SEC22A: variants seen among roughly 807,000 people sequenced by gnomAD.
SEC22A encodes vesicle-trafficking protein SEC22a.
In SEC22A, 22 loss-of-function variants were observed where a neutral mutation model predicts 35.3. The ratio of observed to expected loss-of-function variants is 0.62; its 90% CI spans 0.45 to 0.89. The LOEUF is 0.89. SEC22A is among the 40% of genes least tolerant of loss of function. The probability of loss-of-function intolerance (pLI) is 0.00; values close to 1 mark genes in which losing one functional copy is unlikely to be tolerated. For missense variants in SEC22A, 354 were observed against 362.5 expected (o/e 0.98, Z 0.19); for synonymous variants, 119 against 129.5 (o/e 0.92, Z 0.55).
chr3:123,206,365 C>T (rs778968770), intron 1 of SEC22A, among the ~76,000 whole-genome samples: 31 of 152,118 alleles, frequency 2.0e-4, no homozygotes, highest in Non-Finnish European at 3.8e-4. Flanking sequence ...CCATGGCACC[C>T]CATCCAATCT....
intron 2 of SEC22A, among the ~76,000 whole-genome samples, chr3:123,222,766 G>A (rs930347174): frequency 6.6e-6 from 1 of 152,128 alleles, no homozygotes. Flanking sequence ...AGTTTCTACT[G>A]TATAATATTT....
Position 123,213,874 on chromosome 3 carries a change from G to A in SEC22A, c.182+4475G>A, listed in dbSNP as rs534157037. ...GAGTTTGAAGGAAAAAAAAATCAGG[G>A]GAGTAACATTTAAAATTGAGATAAT... On this transcript the variant is annotated intron_variant, in intron 2 of 6. Transcript: ENST00000492595. Among the ~76,000 whole-genome samples the A allele has an allele frequency of 1.4e-3, 212 of 152,178 alleles. 1 individual carries two copies. Among genetic ancestry groups the A allele is most frequent in the Non-Finnish European group, 2.4e-3 (164 of 67,986 alleles).
chr3:123,212,685 C>T (rs145438050), intron 2 of SEC22A, among the ~76,000 whole-genome samples: 4 of 151,628 alleles, frequency 2.6e-5, no homozygotes, highest in African/African-American at 9.7e-5. Flanking sequence ...AGTTGTACTC[C>T]AGCTTATTCC....
intron 1 of SEC22A, among the ~76,000 whole-genome samples, chr3:123,205,411 G>A (rs1056895361): frequency 6.6e-6 from 1 of 152,168 alleles, no homozygotes; most frequent in Non-Finnish European, 1.5e-5. Flanking sequence ...ATTTGAGGCT[G>A]GGCGCAGTGG....
intron 6 of SEC22A, among the ~76,000 whole-genome samples, chr3:123,260,987 C>A (rs1937883810): frequency 6.6e-6 from 1 of 152,028 alleles, no homozygotes. Context: ...AGGCTCCTGC[C>A]ACCATGCCTA....
At chr3:123,202,069 T>C (rs1294323981) in intron 1 of SEC22A, 83 bp downstream of exon 1, 2 of 153,372 alleles carry the variant, frequency 1.3e-5, no homozygotes, top group African/African-American at 2.4e-5. Context: ...TCCCGCTCCC[T>C]GCCTCTCGCC....
chr3:123,252,309 A>G (rs1221179551), intron 5 of SEC22A, among the ~76,000 whole-genome samples: 1 of 152,172 alleles, frequency 6.6e-6, no homozygotes, highest in Non-Finnish European at 1.5e-5. Context: ...TAGTAAAGGT[A>G]GAACTTTCTG....
chr3:123,236,370 A>G (rs1398353940), intron 4 of SEC22A, among the ~76,000 whole-genome samples: 1 of 152,196 alleles, frequency 6.6e-6, no homozygotes, highest in East Asian at 1.9e-4. Context: ...GATCTAATAT[A>G]GAATTTAATC....
chr3:123,241,996 A>G (rs1245966511), intron 4 of SEC22A, among the ~76,000 whole-genome samples: 1 of 152,000 alleles, frequency 6.6e-6, no homozygotes, highest in South Asian at 2.1e-4. Flanking sequence ...CTCCTGTTCA[A>G]TAAGTCTAAT....
Position 123,259,533 on chromosome 3 carries a change from G to A in SEC22A, c.667G>A (p.Asp223Asn). 6.2e-6 allele frequency: 10 copies of A among 1,612,388 alleles called. No individual in the cohort carries two copies. Among genetic ancestry groups the A allele is most frequent in the Non-Finnish European group, 8.5e-6 (10 of 1,178,842 alleles). The change falls in exon 6 of 7, where the codon GAT (aspartate) becomes AAT (asparagine). Residue 223 changes from aspartate to asparagine, a missense_variant. Transcript: ENST00000492595. ...AIESLLQSDG[D>N]DFNYIIAFFL... ...TATTTTGCTTTTGCAGAGTGATGGT[G>A]ATGATTTTAATTACATCATTGCATT... is the stretch of plus-strand genomic sequence containing the variant.
At chr3:123,226,024 G>A (rs1362378562) in intron 4 of SEC22A, among the ~76,000 whole-genome samples, 1 of 152,078 alleles carries the variant, frequency 6.6e-6, no homozygotes, top group African/African-American at 2.4e-5. Context: ...CAAATGATAG[G>A]ATCTCATTCT....
intron 6 of SEC22A, among the ~76,000 whole-genome samples, chr3:123,263,776 T>C (rs1937955352): frequency 6.6e-6 from 1 of 152,134 alleles, no homozygotes; most frequent in Non-Finnish European, 1.5e-5. Context: ...AGTGCTGGGA[T>C]TACAGGCATA....
At chr3:123,265,868 T>C (rs1938012617) in intron 6 of SEC22A, among the ~76,000 whole-genome samples, 1 of 152,210 alleles carries the variant, frequency 6.6e-6, no homozygotes, top group South Asian at 2.1e-4. Context: ...GTGAGATTAT[T>C]TCTGGGTTCT....
chr3:123,246,150 A>G, intron 5 of SEC22A, 136 bp downstream of exon 5: 1 of 559,038 alleles, frequency 1.8e-6, no homozygotes, highest in Middle Eastern at 3.0e-4. Flanking sequence ...TATCTGCTTT[A>G]GCCTCCTTCT....
chr3:123,234,563 A>G (rs1937381736), intron 4 of SEC22A, among the ~76,000 whole-genome samples: 1 of 152,200 alleles, frequency 6.6e-6, no homozygotes, highest in Non-Finnish European at 1.5e-5. Context: ...ACCACATGCA[A>G]AAGAATGAAG....
intron 4 of SEC22A, among the ~76,000 whole-genome samples, chr3:123,231,377 G>A (rs1937322926): frequency 6.6e-6 from 1 of 152,164 alleles, no homozygotes; most frequent in Admixed American, 6.5e-5. Flanking sequence ...TCAAGTGCAT[G>A]TGAACTATTC....
At chr3:123,236,616 G>T (rs1937423365) in intron 4 of SEC22A, among the ~76,000 whole-genome samples, 1 of 147,766 alleles carries the variant, frequency 6.8e-6, no homozygotes, top group South Asian at 2.1e-4. Context: ...TAAAATTGGA[G>T]TGAGGTGATT....
At chr3:123,227,702 A>G (rs889063056) in intron 4 of SEC22A, among the ~76,000 whole-genome samples, 2 of 152,232 alleles carry the variant, frequency 1.3e-5, no homozygotes, top group African/African-American at 4.8e-5. Context: ...TTTTCAATTA[A>G]ACTGCAACAA....
At chr3:123,216,825 C>T (rs895349887) in intron 2 of SEC22A, among the ~76,000 whole-genome samples, 6 of 152,084 alleles carry the variant, frequency 3.9e-5, no homozygotes, top group African/African-American at 1.4e-4. Flanking sequence ...CCCCTCTATT[C>T]AATATTTTAT....
Sources: allele counts gnomAD v4.1 joint callset (sites outside exome capture counted in the v4.1 genomes callset), GRCh38; gene constraint gnomAD v4.1.1; transcripts MANE v1.5; gene names NCBI Gene and HGNC (gene_info 2026-07-23, HGNC 2026-07-21).